The following ARPIN variants were observed in gnomAD, a reference collection of about 807,000 sequenced individuals.
The protein encoded by ARPIN is actin related protein 2/3 complex inhibitor.
ARPIN carries 23 observed loss-of-function variants against 25.9 expected under a neutral mutation model. The ratio of observed to expected loss-of-function variants is 0.89; its 90% confidence interval spans 0.64 to 1.26. The LOEUF is 1.26. Among genes scored for constraint, ARPIN ranks in the 50% most tolerant of loss-of-function variants. The pLI, the probability that ARPIN is intolerant of heterozygous loss-of-function variation, is 0.00. For synonymous variants in ARPIN, 126 were observed against 131.4 expected, an observed-to-expected ratio of 0.96 and a Z score of 0.28; for missense variants, 333 against 312.2, an observed-to-expected ratio of 1.07 and a Z score of -0.50.
chr15:89,901,516 AT>A lies in ARPIN; in HGVS notation c.*278del, dbSNP rs376815444. 127 of 467,602 alleles carry A rather than the reference AT, an allele frequency of 2.7e-4. No individual in the cohort carries two copies. Among genetic ancestry groups the A allele is most frequent in the East Asian group, 4.2e-4 (11 of 25,990 alleles). 29.0% of individuals were successfully genotyped at this position (467,602 alleles called of 1,614,324 possible). A position where few individuals can be genotyped will look rare whatever the true frequency, so the allele number is the denominator to read the frequency against. ...CAACATAGTGAGACCTCCATCTCTA[AT>A]TTTTTTTTAAAGGGTCATCATGTAA... On this transcript the variant is annotated 3_prime_UTR_variant, in exon 6 of 6. Coordinates refer to ENST00000357484, the MANE Select transcript of ARPIN (RefSeq NM_182616.4).
rs753540224 is a variant in ARPIN at position 89,903,964 on chromosome 15, G to T, written c.321C>A (p.Asp107Glu). The change falls in exon 4 of 6, where the codon GAC becomes GAA. Residue 107 changes from aspartate to glutamate, a missense_variant. By Grantham distance (45) the Asp-to-Glu change is conservative. Transcript: ENST00000357484. ...MSSYKVEAKG[D>E]TDRLTPEALK... ...GCGCCTCGGGCGTGAGCCTGTCAGT[G>T]TCCCCCTTGGCTTCCACCTCTGCAG... is the stretch of plus-strand genomic sequence containing the variant. 1 of 1,607,664 alleles carries T rather than the reference G, an allele frequency of 6.2e-7. No individual in the cohort carries two copies. The highest frequency in any genetic ancestry group is 8.5e-7 in the Non-Finnish European group (1 of 1,179,320).
At chr15:89,911,378 G>C (rs1302375894) in intron 1 of ARPIN, among the ~76,000 whole-genome samples, 1 of 152,134 alleles carries the variant, frequency 6.6e-6, no homozygotes, top group Non-Finnish European at 1.5e-5. Flanking sequence ...AGAAGTCTGA[G>C]ACTAGTCCAA....
chr15:89,907,751 G>A (rs183014770), intron 3 of ARPIN, among the ~76,000 whole-genome samples: 5 of 152,222 alleles, frequency 3.3e-5, no homozygotes, highest in Admixed American at 3.3e-4. Context: ...GATTGCACCT[G>A]AGAATAACCA....
intron 3 of ARPIN, 113 bp downstream of exon 3, chr15:89,908,167 C>T: frequency 6.6e-7 from 1 of 1,519,226 alleles, no homozygotes. Flanking sequence ...TACAGGGCTT[C>T]AACATCAAGA....
chr15:89,906,899 G>A (rs1316532441), intron 3 of ARPIN, among the ~76,000 whole-genome samples: 6 of 151,360 alleles, frequency 4.0e-5, no homozygotes. Context: ...AGGTTGCAGT[G>A]ATCCAAGATT....
In ARPIN at chr15:89,908,489, C is replaced by T. The variant is rs868221126; in HGVS notation, c.169-77G>A. The T allele has an allele frequency of 5.0e-5, 79 of 1,585,066 alleles. 1 individual carries two copies. The African/African-American group carries it at 7.5e-4, about 15-fold the overall frequency. On this transcript the variant is annotated intron_variant, in intron 2 of 5. Coordinates refer to ENST00000357484, the MANE Select transcript of ARPIN (RefSeq NM_182616.4). ...ACACTCTGGGCTCCGGCTGCAGCCC[C>T]GCCAACCTCACATCTACCCTAGAAG...
chr15:89,912,663 T>TCTCC, intron 1 of ARPIN, 81 bp downstream of exon 1: 1 of 871,112 alleles, frequency 1.1e-6, no homozygotes, highest in Non-Finnish European at 1.4e-6. Flanking sequence ...CCCACCCGCA[T>TCTCC]CCCACCCCCC....
intron 3 of ARPIN, 43 bp from the exon 4 acceptor site, chr15:89,904,026 C>G (rs1445568940): frequency 6.4e-7 from 1 of 1,560,112 alleles, no homozygotes; most frequent in South Asian, 1.2e-5. Context: ...ACTGTGGCAG[C>G]AAGAACTTCC....
intron 3 of ARPIN, among the ~76,000 whole-genome samples, chr15:89,904,969 T>C (rs1897092981): frequency 6.6e-6 from 1 of 151,420 alleles, no homozygotes; most frequent in African/African-American, 2.4e-5. Context: ...CTTTGCAAGG[T>C]AACAGAAGCC....
chr15:89,903,841 C>T lies in ARPIN; in HGVS notation c.444G>A (p.Glu148=), dbSNP rs761159934. Residue 148 remains glutamate (E), a synonymous_variant, in exon 4 of 6, where the codon GAG becomes GAA. Coordinates refer to ENST00000357484, the MANE Select transcript of ARPIN (RefSeq NM_182616.4). ...VAFWMPESEM[E]VMELELGAGV... Reference sequence around the variant, plus strand: ...CGGCCCCCAGCTCGAGTTCCATCACCTCCATCTCTGACTCGGGCATCCAGA... The same window carrying T: ...CGGCCCCCAGCTCGAGTTCCATCACTTCCATCTCTGACTCGGGCATCCAGA... 16 of 1,614,080 alleles carry T rather than the reference C, an allele frequency of 9.9e-6. No homozygotes were observed. In the East Asian group the frequency reaches 3.6e-4, roughly 36 times the overall value.
chr15:89,905,977 G>A (rs959760554), intron 3 of ARPIN, among the ~76,000 whole-genome samples: 8 of 151,920 alleles, frequency 5.3e-5, no homozygotes, highest in Admixed American at 1.3e-4. Flanking sequence ...CAAACCTCTC[G>A]CCCCTCCATT....
In ARPIN at chr15:89,901,193, AG is replaced by A. The variant is rs1897014077; in HGVS notation, c.*601del. The A allele has an allele frequency of 6.4e-6, 1 of 156,868 alleles. No homozygotes were observed. The highest frequency in any genetic ancestry group is 1.4e-5 in the Non-Finnish European group (1 of 71,444). 9.7% of individuals were successfully genotyped at this position (156,868 alleles called of 1,614,324 possible). ...AGGCTACAACACAGAGTGCTGAGGA[AG>A]GGGTGGGTGGGGAAGGAAAGCAGGA... On this transcript the variant is annotated 3_prime_UTR_variant, in exon 6 of 6. Transcript: ENST00000357484.
chr15:89,905,906 T>A (rs1314155707), intron 3 of ARPIN, among the ~76,000 whole-genome samples: 1 of 152,102 alleles, frequency 6.6e-6, no homozygotes, highest in African/African-American at 2.4e-5. Flanking sequence ...TCAGTAGACC[T>A]CTACCCAGCA....
At chr15:89,912,273 G>T in intron 1 of ARPIN, 1 of 992,748 alleles carries the variant, frequency 1.0e-6, no homozygotes, top group Non-Finnish European at 1.2e-6. Context: ...ACCCTGTGAC[G>T]ACAGGGCCTG....
chr15:89,906,303 A>G (rs1897119110), intron 3 of ARPIN, among the ~76,000 whole-genome samples: 1 of 152,032 alleles, frequency 6.6e-6, no homozygotes, highest in African/African-American at 2.4e-5. Flanking sequence ...GTTAGAGTTG[A>G]GCTCCTCAGT....
chr15:89,905,582 T>C (rs1478262822), intron 3 of ARPIN, among the ~76,000 whole-genome samples: 1 of 152,094 alleles, frequency 6.6e-6, no homozygotes, highest in Middle Eastern at 3.2e-3. Flanking sequence ...GCAAACTTCT[T>C]GGATGCTCCA....
intron 1 of ARPIN, among the ~76,000 whole-genome samples, chr15:89,911,471 CT>C (rs952312391): frequency 6.6e-6 from 1 of 152,040 alleles, no homozygotes; most frequent in Non-Finnish European, 1.5e-5. Context: ...TGGAGGCTTC[CT>C]TTTTTGCATC....
intron 3 of ARPIN, among the ~76,000 whole-genome samples, chr15:89,905,783 G>C (rs1897109723): frequency 6.6e-6 from 1 of 151,928 alleles, no homozygotes; most frequent in Admixed American, 6.6e-5. Context: ...ACAACCTCCT[G>C]GGCCCACTTC....
chr15:89,903,500 A>T, intron 4 of ARPIN, 121 bp from the exon 5 acceptor site: 1 of 1,498,928 alleles, frequency 6.7e-7, no homozygotes, highest in Non-Finnish European at 9.0e-7. Context: ...CCAGGCATAG[A>T]TGTGGTCAAT....
Sources: gnomAD v4.1 joint callset for allele counts (sites outside exome capture counted in the v4.1 genomes callset) on GRCh38, gnomAD v4.1.1 for gene constraint, MANE v1.5 for transcripts, NCBI Gene and HGNC (gene_info 2026-07-23, HGNC 2026-07-21) for gene names.